TMEM248: variants seen among roughly 807,000 people sequenced by gnomAD.
The protein encoded by TMEM248 is UPF0458 protein C7orf42.
In TMEM248, 9 loss-of-function variants were observed where a neutral mutation model predicts 30.3. That is an observed-to-expected ratio of 0.30 (90% CI 0.18 to 0.52). The LOEUF (loss-of-function observed/expected upper bound fraction) is 0.52, where lower values mean the gene tolerates loss of function less well. TMEM248 is among the 20% of genes least tolerant of loss of function. The pLI is 0.97. For synonymous variants in TMEM248, 184 were observed against 154.4 expected, an observed-to-expected ratio of 1.19 and a Z score of -1.42; for missense variants, 338 against 403.3, an observed-to-expected ratio of 0.84 and a Z score of 1.39.
rs1269894535 is a variant in TMEM248 at position 66,957,595 on chromosome 7, G to A, written c.*2073G>A. 6.6e-6 allele frequency: 1 copy of A among 152,204 alleles called. No homozygotes were observed. Among genetic ancestry groups the A allele is most frequent in the Non-Finnish European group, 1.5e-5 (1 of 68,038 alleles). 9.4% of individuals were successfully genotyped at this position (152,204 alleles called of 1,614,324 possible). On this transcript the variant is annotated 3_prime_UTR_variant, in exon 7 of 7. Coordinates refer to ENST00000341567, the MANE Select transcript of TMEM248 (RefSeq NM_017994.5). The stretch of plus-strand genomic sequence containing the variant: ...TTAGGACCATCAGATTTTAGATTAA[G>A]CTGCTATTGAATTAATAAAATCCCA...
intron 1 of TMEM248, among the ~76,000 whole-genome samples, chr7:66,940,927 C>T (rs978608182): frequency 3.3e-5 from 5 of 151,574 alleles, no homozygotes; most frequent in South Asian, 2.1e-4. Context: ...TTAAGTGATA[C>T]GGAAGTAACA....
At chr7:66,927,639 T>TA (rs146164888) in intron 1 of TMEM248, among the ~76,000 whole-genome samples, 13,691 of 150,034 alleles carry the variant, frequency 0.091, 725 homozygotes, top group Non-Finnish European at 0.11. Context: ...TTTTTTTTTT[T>TA]AGGGACGGGG....
chr7:66,923,439 GC>G (rs1316895595), intron 1 of TMEM248, among the ~76,000 whole-genome samples: 1 of 152,140 alleles, frequency 6.6e-6, no homozygotes, highest in Non-Finnish European at 1.5e-5. Flanking sequence ...ACCTTGCTCA[GC>G]CCGAAACTCG....
chr7:66,938,771 G>A (rs1791869868), intron 1 of TMEM248, among the ~76,000 whole-genome samples: 2 of 152,188 alleles, frequency 1.3e-5, no homozygotes. Context: ...ATCCCAAAGT[G>A]CTGGGATTAC....
rs547494739 is a variant in TMEM248, at chr7:66,938,743, T to G, written c.-18-3105T>G. On this transcript the variant is annotated intron_variant, in intron 1 of 6. Transcript: ENST00000341567. ...GGCTGGTCTTGAACTCCTGACCTCG[T>G]GATCCACCTGCCTTGGCATCCCAAA... Among the ~76,000 whole-genome samples the G allele has an allele frequency of 1.6e-3, 239 of 152,330 alleles. 2 individuals carry two copies. Among genetic ancestry groups the G allele is most frequent in the African/African-American group, 5.5e-3 (229 of 41,576 alleles).
chr7:66,927,362 A>T (rs1037835620), intron 1 of TMEM248, among the ~76,000 whole-genome samples: 2 of 152,022 alleles, frequency 1.3e-5, no homozygotes, highest in Non-Finnish European at 2.9e-5. Context: ...TTTTGTCTTT[A>T]TGAGACTACT....
chr7:66,944,707 A>T (rs112038443), intron 2 of TMEM248, among the ~76,000 whole-genome samples: 4 of 152,216 alleles, frequency 2.6e-5, no homozygotes, highest in Non-Finnish European at 5.9e-5. Flanking sequence ...GATTTTCTTG[A>T]ATAAATTGAT....
chr7:66,931,566 G>A (rs1183082885), intron 1 of TMEM248, among the ~76,000 whole-genome samples: 1 of 151,600 alleles, frequency 6.6e-6, no homozygotes, highest in African/African-American at 2.4e-5. Flanking sequence ...TGACCTCCTG[G>A]GCTGAGCCAG....
chr7:66,934,107 C>A (rs780944417), intron 1 of TMEM248, among the ~76,000 whole-genome samples: 2 of 151,542 alleles, frequency 1.3e-5, no homozygotes, highest in African/African-American at 2.4e-5. Context: ...TATTTGAAAA[C>A]GCTTGTGAAT....
chr7:66,953,175 T>A, intron 5 of TMEM248, 51 bp from the exon 6 acceptor site: 1 of 1,595,190 alleles, frequency 6.3e-7, no homozygotes, highest in East Asian at 2.2e-5. Flanking sequence ...ATTAAAACCT[T>A]TCAGTCACTC....
At chr7:66,949,020 G>C (rs760199143) in intron 4 of TMEM248, among the ~76,000 whole-genome samples, 1 of 152,084 alleles carries the variant, frequency 6.6e-6, no homozygotes, top group Non-Finnish European at 1.5e-5. Flanking sequence ...GCTCACTGTG[G>C]CCGGGTGCCG....
chr7:66,925,687 G>GTTTTTTTC (rs143420413), intron 1 of TMEM248, among the ~76,000 whole-genome samples: 1,492 of 145,678 alleles, frequency 0.01, 16 homozygotes, highest in Non-Finnish European at 0.016. Context: ...TCTATTTGTA[G>GTTTTTTTC]TTTTTTCTTT....
At chr7:66,922,661 G>A (rs118079510) in intron 1 of TMEM248, among the ~76,000 whole-genome samples, 2,084 of 152,068 alleles carry the variant, frequency 0.014, 20 homozygotes, top group Non-Finnish European at 0.023. Context: ...CACCTTCTCC[G>A]TTTAGGCTCT....
chr7:66,953,766 C>T (rs1040818569), intron 6 of TMEM248, among the ~76,000 whole-genome samples: 10 of 151,632 alleles, frequency 6.6e-5, no homozygotes, highest in Non-Finnish European at 4.4e-5. Context: ...CACCGCGTCC[C>T]ACTAAGTTTT....
intron 1 of TMEM248, among the ~76,000 whole-genome samples, chr7:66,934,268 T>C (rs1174142133): frequency 6.6e-6 from 1 of 152,126 alleles, no homozygotes; most frequent in Non-Finnish European, 1.5e-5. Context: ...TGGCACAAAG[T>C]CAGCTCACTG....
chr7:66,949,483 A>C (rs140563244), intron 4 of TMEM248, among the ~76,000 whole-genome samples: 165 of 152,234 alleles, frequency 1.1e-3, no homozygotes, highest in African/African-American at 3.6e-3. Flanking sequence ...TAAATAAATC[A>C]AATAAAACAA....
intron 1 of TMEM248, among the ~76,000 whole-genome samples, chr7:66,925,694 CTTTTTTTTT>C (rs762948450): frequency 7.3e-6 from 1 of 137,850 alleles, no homozygotes; most frequent in Admixed American, 7.3e-5. Flanking sequence ...GTAGTTTTTT[CTTTTTTTTT>C]TTTTTGGAGA....
chr7:66,925,886 C>T (rs1469975435), intron 1 of TMEM248, among the ~76,000 whole-genome samples: 1 of 151,900 alleles, frequency 6.6e-6, no homozygotes, highest in Non-Finnish European at 1.5e-5. Context: ...CATAATCCAC[C>T]CGCCTCAGCC....
At chr7:66,945,327 G>A (rs1056349692) in intron 3 of TMEM248, 66 bp downstream of exon 3, 41 of 1,539,086 alleles carry the variant, frequency 2.7e-5, no homozygotes, top group South Asian at 8.1e-5. Flanking sequence ...AGGATGCACC[G>A]TGTATGTTTT....
Sources: allele counts gnomAD v4.1 joint callset (sites outside exome capture counted in the v4.1 genomes callset), GRCh38; gene constraint gnomAD v4.1.1; transcripts MANE v1.5; gene names NCBI Gene and HGNC (gene_info 2026-07-23, HGNC 2026-07-21).